Variants in DNAJC25 observed in about 807,000 individuals in gnomAD.
DNAJC25 encodes DnaJ heat shock protein family (Hsp40) member C25.
In DNAJC25, 26 loss-of-function variants were observed where a neutral mutation model predicts 42.1. The ratio of observed to expected loss-of-function variants is 0.62; its 90% confidence interval spans 0.45 to 0.86. The LOEUF (loss-of-function observed/expected upper bound fraction) is 0.86. DNAJC25 is among the 40% of genes least tolerant of loss of function. The pLI is 0.00. For missense variants in DNAJC25, 404 were observed against 459.4 expected, an observed-to-expected ratio of 0.88 and a Z score of 1.10; for synonymous variants, 189 against 179.9, an observed-to-expected ratio of 1.05 and a Z score of -0.40.
At chr9:111,643,713 C>T (rs1830522394) in intron 1 of DNAJC25, among the ~76,000 whole-genome samples, 1 of 149,690 alleles carries the variant, frequency 6.7e-6, no homozygotes, top group African/African-American at 2.5e-5. Context: ...TAACTTTGGC[C>T]ATGGGAAAGC....
intron 1 of DNAJC25, among the ~76,000 whole-genome samples, chr9:111,640,984 C>A (rs1260023693): frequency 9.8e-6 from 1 of 101,690 alleles, no homozygotes; most frequent in Non-Finnish European, 1.8e-5. Flanking sequence ...CCAGCCGTGC[C>A]GTCCGGGAGG....
chr9:111,651,404 C>G (rs1245725535), intron 3 of DNAJC25, among the ~76,000 whole-genome samples: 1 of 151,966 alleles, frequency 6.6e-6, no homozygotes, highest in Non-Finnish European at 1.5e-5. Flanking sequence ...GGTAAAGCAG[C>G]TCAATCTGCA....
chr9:111,646,145 A>C (rs866240348), intron 1 of DNAJC25, among the ~76,000 whole-genome samples: 1 of 152,316 alleles, frequency 6.6e-6, no homozygotes, highest in Middle Eastern at 3.4e-3. Flanking sequence ...TTTTGATTTT[A>C]TAATAGTTTT....
At chr9:111,648,292 C>G (rs1014410821) in intron 2 of DNAJC25, among the ~76,000 whole-genome samples, 4 of 150,782 alleles carry the variant, frequency 2.7e-5, no homozygotes, top group African/African-American at 9.8e-5. Context: ...GATGGAGTCT[C>G]ACTCTGTCAC....
Position 111,653,315 on chromosome 9 carries a change from G to T in DNAJC25, c.*93G>T, listed in dbSNP as rs1830693549. 1 of 1,321,174 alleles carries T rather than the reference G, an allele frequency of 7.6e-7. No homozygotes were observed. The highest frequency in any genetic ancestry group is 2.9e-5 in the Admixed American group (1 of 33,994). 81.8% of individuals were successfully genotyped at this position (1,321,174 alleles called of 1,614,324 possible). On this transcript the variant is annotated 3_prime_UTR_variant, in exon 4 of 4. Transcript: ENST00000313525. ...AAATGTATCAATTGACTGCTGCTCA[G>T]CAGTAACTAAAATTCCTCAAGTATT...
At chr9:111,635,662 A>G (rs1462637596) in intron 1 of DNAJC25, among the ~76,000 whole-genome samples, 1 of 152,228 alleles carries the variant, frequency 6.6e-6, no homozygotes. Context: ...AAAATGCAAA[A>G]GCGTAGAATT....
At chr9:111,645,144 TTAAGC>T (rs2131266043) in intron 1 of DNAJC25, among the ~76,000 whole-genome samples, 1 of 152,352 alleles carries the variant, frequency 6.6e-6, no homozygotes, top group East Asian at 1.9e-4. Flanking sequence ...TCGTATCTAA[TTAAGC>T]TAGCTACTAG....
intron 1 of DNAJC25, among the ~76,000 whole-genome samples, chr9:111,632,776 C>A (rs1017225446): frequency 2.0e-5 from 3 of 151,030 alleles, no homozygotes; most frequent in Non-Finnish European, 2.9e-5. Flanking sequence ...ATAATTTTAC[C>A]TTGGATTGTT....
At chr9:111,632,074 C>A (rs1830291774) in intron 1 of DNAJC25, among the ~76,000 whole-genome samples, 1 of 152,246 alleles carries the variant, frequency 6.6e-6, no homozygotes, top group African/African-American at 2.4e-5. Context: ...TTAGTAGGAT[C>A]TGGGGTAGCC....
chr9:111,633,866 A>T (rs1830324648), intron 1 of DNAJC25, among the ~76,000 whole-genome samples: 1 of 152,238 alleles, frequency 6.6e-6, no homozygotes, highest in Non-Finnish European at 1.5e-5. Context: ...AAAGCTAGAT[A>T]AAATAAGTGA....
intron 1 of DNAJC25, among the ~76,000 whole-genome samples, chr9:111,638,591 T>C (rs1830398741): frequency 6.6e-6 from 1 of 152,170 alleles, no homozygotes; most frequent in African/African-American, 2.4e-5. Context: ...TTTTCCTGTA[T>C]TCATTATCTT....
chr9:111,642,766 TGA>T (rs1830502198), intron 1 of DNAJC25: 2 of 445,246 alleles, frequency 4.5e-6, no homozygotes, highest in African/African-American at 4.0e-5. Flanking sequence ...GGAGGGGGGA[TGA>T]CCCTTTAAGA....
At position 111,641,823 on chromosome 9, in the gene DNAJC25, C is replaced by A. The variant is rs1409349549; in HGVS notation, c.337-5284C>A. Among the ~76,000 whole-genome samples, 6 of 116,348 alleles carry A rather than the reference C, an allele frequency of 5.2e-5. No individual in the cohort carries two copies. The South Asian group carries it at 1.1e-3, about 21-fold the overall frequency. The allele number at this position is 116,348 out of a possible 152,430, so 76.3% of individuals were successfully genotyped here. ...AGGGAGGTGGGGGGGGTCAGCCCCC[C>A]CGCCCGGCCAGCCGCCCCGTCCGGG... On this transcript the variant is annotated intron_variant, in intron 1 of 3. Transcript: ENST00000313525.
At chr9:111,643,144 A>T in intron 1 of DNAJC25, 1 of 239,176 alleles carries the variant, frequency 4.2e-6, no homozygotes, top group East Asian at 9.6e-5. Context: ...CCACAGTAGC[A>T]TATTTTCATA....
chr9:111,634,434 G>A (rs929638690), intron 1 of DNAJC25, among the ~76,000 whole-genome samples: 7 of 152,214 alleles, frequency 4.6e-5, no homozygotes, highest in Admixed American at 6.5e-5. Context: ...CACATTATCC[G>A]TTGAGGCAAT....
At chr9:111,635,830 C>G (rs191080209) in intron 1 of DNAJC25, among the ~76,000 whole-genome samples, 61 of 152,310 alleles carry the variant, frequency 4.0e-4, no homozygotes, top group African/African-American at 1.4e-3. Flanking sequence ...AACAACACTT[C>G]AGTTTCCTTT....
chr9:111,639,897 G>GCTCTCCCTCTCC (rs796321552), intron 1 of DNAJC25, among the ~76,000 whole-genome samples: 3,527 of 130,278 alleles, frequency 0.027, 89 homozygotes, highest in South Asian at 0.06. Context: ...GCAAGGAGGA[G>GCTCTCCCTCTCC]CTCTCCCTCT....
At chr9:111,637,311 T>C (rs1207654205) in intron 1 of DNAJC25, among the ~76,000 whole-genome samples, 1 of 152,178 alleles carries the variant, frequency 6.6e-6, no homozygotes, top group Non-Finnish European at 1.5e-5. Context: ...ATCGGAACTT[T>C]ATGTATTGAA....
intron 1 of DNAJC25, among the ~76,000 whole-genome samples, chr9:111,640,820 G>A (rs1311683016): frequency 1.6e-5 from 2 of 128,780 alleles, no homozygotes; most frequent in African/African-American, 3.1e-5. Context: ...CAGCCACCCC[G>A]TCCGGGAGGG....
Sources: gnomAD v4.1 joint callset for allele counts (sites outside exome capture counted in the v4.1 genomes callset) on GRCh38, gnomAD v4.1.1 for gene constraint, MANE v1.5 for transcripts, NCBI Gene and HGNC (gene_info 2026-07-23, HGNC 2026-07-21) for gene names.